Variants in PSMD12 observed in about 807,000 individuals in gnomAD.
PSMD12 encodes 26S proteasome non-ATPase regulatory subunit 12.
PSMD12 carries 8 observed loss-of-function variants against 62.9 expected under a neutral mutation model. The ratio of observed to expected loss-of-function variants is 0.13; its 90% CI spans 0.07 to 0.23. PSMD12 has a LOEUF of 0.23. Among genes scored for constraint, PSMD12 ranks in the 10% least tolerant of loss-of-function variants. PSMD12 has a pLI of 1.00. For missense variants in PSMD12, 424 were observed against 550.2 expected (o/e 0.77, Z 2.29); for synonymous variants, 173 against 187.4 (o/e 0.92, Z 0.63).
In PSMD12 at chr17:67,366,485, C is replaced by G; in HGVS notation, c.35G>C (p.Arg12Pro). Reference protein sequence around the residue: ...ADGGSERADGRIVKMEVDYSA... With the variant: ...ADGGSERADGPIVKMEVDYSA... ...GTAGTCCACCTCCATCTTGACGATG[C>G]GCCCGTCAGCCCGCTCCGAGCCGCC... Residue 12 changes from arginine (R) to proline (P), a missense_variant, in exon 1 of 11, where the codon CGC (arginine) becomes CCC (proline). Arg to Pro is a moderately radical substitution (Grantham distance 103). Transcript: ENST00000356126. 1 of 1,610,136 alleles carries G rather than the reference C, an allele frequency of 6.2e-7. No homozygotes were observed. The highest frequency in any genetic ancestry group is 8.5e-7 in the Non-Finnish European group (1 of 1,178,952).
chr17:67,355,558 C>G (rs1319971719), intron 3 of PSMD12: 1 of 152,146 alleles, frequency 6.6e-6, no homozygotes, highest in Non-Finnish European at 1.5e-5. Flanking sequence ...CACTATATAT[C>G]TATTTTTGGT....
At chr17:67,352,568 T>C (rs1169496722) in intron 3 of PSMD12, among the ~76,000 whole-genome samples, 4 of 152,088 alleles carry the variant, frequency 2.6e-5, no homozygotes, top group Non-Finnish European at 4.4e-5. Flanking sequence ...GTGCAAAAAA[T>C]ACATTAACAG....
intron 3 of PSMD12, among the ~76,000 whole-genome samples, chr17:67,351,733 C>A (rs2042020055): frequency 6.6e-6 from 1 of 151,748 alleles, no homozygotes. Flanking sequence ...AGGTAACCCT[C>A]ACCTCCTTTC....
At chr17:67,341,469 C>CAAAA (rs71368819) in intron 10 of PSMD12, among the ~76,000 whole-genome samples, 2,935 of 50,950 alleles carry the variant, frequency 0.058, 365 homozygotes, top group African/African-American at 0.13. Flanking sequence ...GACTCTGCCT[C>CAAAA]AAAAAAAAAA....
rs1192845109 is a variant in PSMD12 at position 67,340,778 on chromosome 17, C to T, written c.*65G>A. On this transcript the variant is annotated 3_prime_UTR_variant, in exon 11 of 11. Coordinates refer to ENST00000356126, the MANE Select transcript of PSMD12 (RefSeq NM_002816.5). ...CTTAGAAAAAAAACCCCAACATATA[C>T]ACCATTATAACAGTCTTTTTTTAAT... is the stretch of plus-strand genomic sequence containing the variant. 6.2e-6 allele frequency: 8 copies of T among 1,294,684 alleles called. No individual in the cohort carries two copies. Among genetic ancestry groups the T allele is most frequent in the African/African-American group, 1.6e-5 (1 of 63,542 alleles). The allele number at this position is 1,294,684 out of a possible 1,614,324, so 80.2% of individuals were successfully genotyped here.
At chr17:67,352,847 T>A (rs925979395) in intron 3 of PSMD12, among the ~76,000 whole-genome samples, 5 of 152,198 alleles carry the variant, frequency 3.3e-5, no homozygotes, top group Non-Finnish European at 7.3e-5. Context: ...ATCCACTGTA[T>A]CCAGGGCAGT....
In PSMD12 at chr17:67,347,101, C is replaced by A; in HGVS notation, c.795+15G>T. On this transcript the variant is annotated intron_variant, in intron 7 of 10. Transcript: ENST00000356126. ...TGAATAAGAAGCCATGTCAATTACA[C>A]GAATATATTCTTACCTGCTGCCATT... is the stretch of plus-strand genomic sequence containing the variant. The A allele has an allele frequency of 6.4e-7, 1 of 1,565,714 alleles. No homozygotes were observed. Among genetic ancestry groups the A allele is most frequent in the Non-Finnish European group, 8.6e-7 (1 of 1,156,700 alleles).
chr17:67,344,933 C>T (rs184444968), intron 8 of PSMD12, among the ~76,000 whole-genome samples, 153 bp from the exon 9 acceptor site: 11 of 152,280 alleles, frequency 7.2e-5, no homozygotes, highest in African/African-American at 2.4e-4. Context: ...ATTTTACCAA[C>T]TTTATTACCA....
intron 1 of PSMD12, 101 bp downstream of exon 1, chr17:67,366,311 G>C (rs1213086023): frequency 7.9e-6 from 9 of 1,139,700 alleles, no homozygotes; most frequent in South Asian, 5.7e-5. Flanking sequence ...CAGGCATTGG[G>C]GGGTGCACGC....
chr17:67,352,959 C>T (rs2042031722), intron 3 of PSMD12, among the ~76,000 whole-genome samples: 3 of 152,208 alleles, frequency 2.0e-5, no homozygotes, highest in Admixed American at 1.3e-4. Flanking sequence ...CATAAAGTGC[C>T]TCCTTTAAAT....
At chr17:67,364,611 T>C (rs1351008959) in intron 1 of PSMD12, among the ~76,000 whole-genome samples, 1 of 152,224 alleles carries the variant, frequency 6.6e-6, no homozygotes, top group African/African-American at 2.4e-5. Context: ...GTTTCTTCCT[T>C]ATGGACACTA....
At position 67,338,476 on chromosome 17, in the gene PSMD12, A is replaced by G. The variant is rs556902944; in HGVS notation, c.*2367T>C. On this transcript the variant is annotated 3_prime_UTR_variant, in exon 11 of 11. Coordinates refer to ENST00000356126, the MANE Select transcript of PSMD12 (RefSeq NM_002816.5). ...CACGAAATGGATGAACAGCTGATCG[A>G]GTCGAGTGCAATTTGGTCACTGGGA... The G allele has an allele frequency of 1.3e-5, 2 of 152,246 alleles. No homozygotes were observed. Among genetic ancestry groups the G allele is most frequent in the Admixed American group, 6.5e-5 (1 of 15,280 alleles). The allele number at this position is 152,246 out of a possible 1,614,324, so 9.4% of individuals were successfully genotyped here.
chr17:67,354,292 C>G (rs192577177), intron 3 of PSMD12, among the ~76,000 whole-genome samples: 1 of 152,000 alleles, frequency 6.6e-6, no homozygotes, highest in African/African-American at 2.4e-5. Flanking sequence ...GTGCCTGTAG[C>G]ACCAGCTACT....
rs2041893263 is a variant in PSMD12 at position 67,339,730 on chromosome 17, T to G, written c.*1113A>C. On this transcript the variant is annotated 3_prime_UTR_variant, in exon 11 of 11. Coordinates refer to ENST00000356126, the MANE Select transcript of PSMD12 (RefSeq NM_002816.5). ...TTAAGTATCATTTTAAATAACCTTC[T>G]AACATTGTTTTTTCTATTTTCTCTG... 6.6e-6 allele frequency: 1 copy of G among 152,092 alleles called. No individual in the cohort carries two copies. The highest frequency in any genetic ancestry group is 2.1e-4 in the South Asian group (1 of 4,832). The allele number at this position is 152,092 out of a possible 1,614,324, so 9.4% of individuals were successfully genotyped here. A position where few individuals can be genotyped will look rare whatever the true frequency, so the allele number is the denominator to read the frequency against.
intron 3 of PSMD12, among the ~76,000 whole-genome samples, chr17:67,352,474 T>C (rs942130420): frequency 6.6e-6 from 1 of 152,204 alleles, no homozygotes; most frequent in Non-Finnish European, 1.5e-5. Flanking sequence ...GGACATGTAG[T>C]GTCTCACAAA....
intron 1 of PSMD12, among the ~76,000 whole-genome samples, chr17:67,362,039 A>T (rs1367247379): frequency 6.6e-6 from 1 of 152,084 alleles, no homozygotes; most frequent in Non-Finnish European, 1.5e-5. Flanking sequence ...CATCGCCAAG[A>T]TCTGATTTTT....
intron 1 of PSMD12, among the ~76,000 whole-genome samples, chr17:67,359,587 T>C (rs768379925): frequency 1.5e-4 from 23 of 152,210 alleles, no homozygotes; most frequent in Non-Finnish European, 2.9e-4. Context: ...GCATAAATAA[T>C]GTTTTGACTT....
chr17:67,343,040 A>C (rs6504499), intron 9 of PSMD12, among the ~76,000 whole-genome samples: 110,579 of 151,396 alleles, frequency 0.73, 40,914 homozygotes, highest in Non-Finnish European at 0.79. Flanking sequence ...TCCTAATTTC[A>C]ACTGGCGATG....
Position 67,357,142 on chromosome 17 carries a change from A to G in PSMD12, c.297+161T>C, listed in dbSNP as rs560952228. The G allele has an allele frequency of 1.4e-3, 1,045 of 723,220 alleles. 25 individuals carry two copies. The South Asian group carries it at 0.028, about 19-fold the overall frequency. 44.8% of individuals were successfully genotyped at this position (723,220 alleles called of 1,614,324 possible). On this transcript the variant is annotated intron_variant, in intron 3 of 10. Coordinates refer to ENST00000356126, the MANE Select transcript of PSMD12 (RefSeq NM_002816.5). The stretch of plus-strand genomic sequence containing the variant: ...TAAAGACTAGAAGAAAAAACAGAAA[A>G]CAGTCATATCATTGTGAGAATGTAG...
Sources: gnomAD v4.1 joint callset for allele counts (sites outside exome capture counted in the v4.1 genomes callset) on GRCh38, gnomAD v4.1.1 for gene constraint, MANE v1.5 for transcripts, NCBI Gene and HGNC (gene_info 2026-07-23, HGNC 2026-07-21) for gene names.